The following SYP variants were observed in gnomAD, a reference collection of about 807,000 sequenced individuals.
SYP encodes the protein major synaptic vesicle protein P38.
SYP carries 2 observed loss-of-function variants against 24.3 expected under a neutral mutation model. The ratio of observed to expected loss-of-function variants is 0.08; its 90% confidence interval spans 0.03 to 0.26. SYP has a LOEUF of 0.26. Ranked by LOEUF, SYP falls within the 10% of genes least tolerant of loss-of-function variation. SYP has a pLI of 1.00. For missense variants in SYP, 216 were observed against 266.3 expected, an observed-to-expected ratio of 0.81 and a Z score of 1.32; for synonymous variants, 143 against 123.2, an observed-to-expected ratio of 1.16 and a Z score of -1.07.
intron 1 of SYP, 71 bp downstream of exon 1, chrX:49,200,080 G>A (rs2065545613): frequency 2.6e-6 from 3 of 1,142,610 alleles, no homozygotes; most frequent in East Asian, 3.3e-5. Flanking sequence ...TCCCAGAGTC[G>A]GCTGGCCTGA....
chrX:49,197,444 C>T, intron 3 of SYP: 2 of 397,642 alleles, frequency 5.0e-6, no homozygotes, highest in East Asian at 4.3e-5. Flanking sequence ...TATGTATATA[C>T]ACCTGTCTTA....
At chrX:49,194,594 C>T (rs1249259869) in intron 3 of SYP, among the ~76,000 whole-genome samples, 1 of 111,234 alleles carries the variant, frequency 9.0e-6, no homozygotes, top group African/African-American at 3.3e-5. Flanking sequence ...TTGATTATTT[C>T]TAGAACTTGC....
chrX:49,193,298 C>T lies in SYP; in HGVS notation c.589G>A (p.Val197Met). Reference protein sequence around the residue: ...GNTCKELRDPVTSGLNTSVVF... With the variant: ...GNTCKELRDPMTSGLNTSVVF... ...ACCGAGGTGTTGAGTCCCGAGGTCA[C>T]AGGGTCTCTCAGCTCCTTGCATGTG... The change falls in exon 5 of 7, where the codon GTG (valine) becomes ATG (methionine). Residue 197 changes from valine to methionine, a missense_variant. Transcript: ENST00000263233. The T allele has an allele frequency of 8.2e-7, 1 of 1,212,156 alleles. No homozygotes were observed. Among genetic ancestry groups the T allele is most frequent in the Non-Finnish European group, 1.1e-6 (1 of 895,573 alleles).
At chrX:49,198,775 C>G in intron 2 of SYP, 193 bp downstream of exon 2, 1 of 491,291 alleles carries the variant, frequency 2.0e-6, no homozygotes, top group East Asian at 3.7e-5. Flanking sequence ...ACCCTCAGCC[C>G]TATGTGACGT....
At chrX:49,194,785 T>G (rs2065523018) in intron 3 of SYP, among the ~76,000 whole-genome samples, 1 of 95,198 alleles carries the variant, frequency 1.1e-5, no homozygotes, top group African/African-American at 4.0e-5. Context: ...CCCGGCTCAC[T>G]GCAACCTCTG....
intron 6 of SYP, chrX:49,190,712 T>G (rs2065504164): frequency 9.0e-6 from 1 of 111,634 alleles, no homozygotes; most frequent in Non-Finnish European, 1.9e-5. Context: ...AGAGGTGGGA[T>G]TTCATCATGT....
Position 49,191,466 on chromosome X carries a change from C to T in SYP, c.913G>A (p.Ala305Thr), listed in dbSNP as rs782535583. ...ATCTGATTGGAGAAGGAGGTGGGTG[C>T]ACCCTGCGGGCCGTAGCCTTGCTGC... is the stretch of plus-strand genomic sequence containing the variant. ...YGQQGYGPQG[A>T]PTSFSNQM Residue 305 changes from alanine (A) to threonine (T), a missense_variant, in exon 6 of 7, where the codon GCA becomes ACA. Transcript: ENST00000263233. 3.3e-6 allele frequency: 4 copies of T among 1,210,366 alleles called. No individual in the cohort carries two copies. Among genetic ancestry groups the T allele is most frequent in the South Asian group, 1.8e-5 (1 of 56,870 alleles).
At chrX:49,195,922 A>G (rs1489588871) in intron 3 of SYP, among the ~76,000 whole-genome samples, 3 of 112,070 alleles carry the variant, frequency 2.7e-5, no homozygotes, top group Non-Finnish European at 3.8e-5. Context: ...CAGCTCCTAA[A>G]TGATGGAGCT....
intron 1 of SYP, 77 bp downstream of exon 1, chrX:49,200,072 CCA>C (rs1285623003): frequency 2.5e-5 from 28 of 1,128,218 alleles, no homozygotes; most frequent in Non-Finnish European, 3.2e-5. Flanking sequence ...CCACCACCTC[CCA>C]GAGTCGGCTG....
At chrX:49,192,246 G>A (rs2065512701) in intron 5 of SYP, among the ~76,000 whole-genome samples, 1 of 112,006 alleles carries the variant, frequency 8.9e-6, no homozygotes, top group African/African-American at 3.2e-5. Flanking sequence ...CCAGGCGGGA[G>A]TGCAATGGCA....
At chrX:49,198,875 T>A in intron 2 of SYP, 93 bp downstream of exon 2, 26 of 920,934 alleles carry the variant, frequency 2.8e-5, no homozygotes, top group Non-Finnish European at 3.7e-5. Context: ...CACTCATCCC[T>A]GGCTACTCGC....
chrX:49,195,635 TG>T (rs2065526157), intron 3 of SYP, among the ~76,000 whole-genome samples: 1 of 109,232 alleles, frequency 9.2e-6, no homozygotes, highest in African/African-American at 3.4e-5. Context: ...GGAGGAGAGG[TG>T]GGGGTTGTAG....
intron 4 of SYP, 137 bp downstream of exon 4, chrX:49,194,029 C>G: frequency 1.4e-6 from 1 of 700,571 alleles, no homozygotes; most frequent in Non-Finnish European, 2.2e-6. Context: ...ATAGCAGCAG[C>G]AACTATATGT....
intron 5 of SYP, 115 bp from the exon 6 acceptor site, chrX:49,191,878 A>C (rs1348359084): frequency 1.2e-6 from 1 of 835,854 alleles, no homozygotes; most frequent in African/African-American, 2.0e-5. Flanking sequence ...GGGGTTTCTG[A>C]AACCCAGACT....
At chrX:49,190,516 TTCC>T (rs2065503037) in intron 6 of SYP, 2 of 82,726 alleles carry the variant, frequency 2.4e-5, no homozygotes, top group Non-Finnish European at 4.7e-5. Flanking sequence ...CTTTCTTTCT[TTCC>T]ATTTTTTTTT....
At chrX:49,198,705 C>T in intron 2 of SYP, 1 of 395,756 alleles carries the variant, frequency 2.5e-6, no homozygotes, top group Non-Finnish European at 4.4e-6. Context: ...CCTCCCCCAC[C>T]CCTCCCTCAC....
Position 49,193,405 on chromosome X carries a change from G to A in SYP, c.482C>T (p.Ala161Val). 1 of 1,212,213 alleles carries A rather than the reference G, an allele frequency of 8.2e-7. No homozygotes were observed. The highest frequency in any genetic ancestry group is 1.7e-5 in the African/African-American group (1 of 58,014). ...FMWLVSSSAW[A>V]KGLSDVKMAT... ...CATCTTCACATCTGACAGCCCCTTG[G>A]CCCATGCCGATGAGCTAACTAGCCA... The change falls in exon 5 of 7, where the codon GCC (alanine) becomes GTC (valine). Residue 161 changes from alanine to valine, a missense_variant. This residue lies in a region of SYP where 102 missense variants were observed against 158.4 expected (regional missense o/e 0.64). Transcript: ENST00000263233.
chrX:49,193,495 T>C lies in SYP; in HGVS notation c.424-32A>G, dbSNP rs61519893. 7.2e-3 allele frequency: 8,695 copies of C among 1,202,417 alleles called. 417 individuals carry two copies. The African/African-American group carries it at 0.13, about 19-fold the overall frequency. ...CAGGCAGGGGTGAGGAAGACAGCAC[T>C]GTGAGTGGACTGCTTCACGCTAGGC... On this transcript the variant is annotated intron_variant, in intron 4 of 6. Coordinates refer to ENST00000263233, the MANE Select transcript of SYP (RefSeq NM_003179.3).
chrX:49,190,181 C>CT (rs3841666), intron 6 of SYP, among the ~76,000 whole-genome samples: 1,136 of 103,875 alleles, frequency 0.011, 7 homozygotes, highest in African/African-American at 0.017. Flanking sequence ...TTCTCTTTTT[C>CT]TTTTTTTTTT....
Sources: gnomAD v4.1 joint callset for allele counts (sites outside exome capture counted in the v4.1 genomes callset) on GRCh38, gnomAD v4.1.1 for gene constraint, gnomAD v4.1.1 regional missense constraint, MANE v1.5 for transcripts, NCBI Gene and HGNC (gene_info 2026-07-23, HGNC 2026-07-21) for gene names.